Variants in ST6GALNAC3 observed in about 807,000 individuals in gnomAD.
The protein encoded by ST6GALNAC3 is ST6 N-acetylgalactosaminide alpha-2,6-sialyltransferase 3.
A neutral mutation model predicts 32.7 loss-of-function variants in ST6GALNAC3; 25 were observed. That is an observed-to-expected ratio of 0.76 (90% CI 0.56 to 1.07). ST6GALNAC3 has a LOEUF of 1.07. Ranked by LOEUF, ST6GALNAC3 falls within the 50% of genes least tolerant of loss-of-function variation. ST6GALNAC3 has a pLI of 0.00. For missense variants in ST6GALNAC3, 355 were observed against 382.4 expected (o/e 0.93, Z 0.60); for synonymous variants, 129 against 133.1 (o/e 0.97, Z 0.21).
chr1:76,113,116 A>G (rs1179809517), intron 1 of ST6GALNAC3, among the ~76,000 whole-genome samples: 1 of 152,002 alleles, frequency 6.6e-6, no homozygotes, highest in Non-Finnish European at 1.5e-5. Context: ...CTGGCGGATC[A>G]CTCGCGGTTA....
chr1:76,470,031 A>C (rs1658911541), intron 3 of ST6GALNAC3, among the ~76,000 whole-genome samples: 1 of 152,126 alleles, frequency 6.6e-6, no homozygotes, highest in Non-Finnish European at 1.5e-5. Context: ...CATTAGTATT[A>C]TGACTTTAAT....
intron 1 of ST6GALNAC3, among the ~76,000 whole-genome samples, chr1:76,280,335 C>T (rs1173947176): frequency 1.3e-5 from 2 of 152,186 alleles, no homozygotes; most frequent in Non-Finnish European, 2.9e-5. Flanking sequence ...TACAGAAATT[C>T]TGGTGACTGT....
At chr1:76,283,655 G>C (rs1403605489) in intron 1 of ST6GALNAC3, among the ~76,000 whole-genome samples, 2 of 152,208 alleles carry the variant, frequency 1.3e-5, no homozygotes, top group Non-Finnish European at 2.9e-5. Flanking sequence ...ATCTTGTCAT[G>C]ACTTTAAATA....
At chr1:76,597,873 G>GTC (rs530390879) in intron 3 of ST6GALNAC3, among the ~76,000 whole-genome samples, 203 of 152,212 alleles carry the variant, frequency 1.3e-3, no homozygotes, top group African/African-American at 4.7e-3. Context: ...TGTCTGGGAT[G>GTC]TCTCCTCTCC....
intron 2 of ST6GALNAC3, among the ~76,000 whole-genome samples, chr1:76,393,406 A>G (rs1345761542): frequency 6.6e-6 from 1 of 152,162 alleles, no homozygotes; most frequent in Non-Finnish European, 1.5e-5. Flanking sequence ...CATGAGTTAG[A>G]GGAATGATTT....
At chr1:76,462,259 G>A (rs914613120) in intron 3 of ST6GALNAC3, among the ~76,000 whole-genome samples, 2 of 152,034 alleles carry the variant, frequency 1.3e-5, no homozygotes, top group South Asian at 2.1e-4. Flanking sequence ...GTGTACATAC[G>A]TGAATTAATA....
intron 2 of ST6GALNAC3, among the ~76,000 whole-genome samples, chr1:76,372,786 T>G (rs1301421764): frequency 6.6e-6 from 1 of 152,134 alleles, no homozygotes; most frequent in African/African-American, 2.4e-5. Flanking sequence ...GAAATGGGAA[T>G]AGTATCAAAT....
At chr1:76,212,948 G>A (rs1655250722) in intron 1 of ST6GALNAC3, among the ~76,000 whole-genome samples, 1 of 152,156 alleles carries the variant, frequency 6.6e-6, no homozygotes, top group African/African-American at 2.4e-5. Flanking sequence ...AGTCTGACCC[G>A]TTCTGTGCTG....
intron 3 of ST6GALNAC3, among the ~76,000 whole-genome samples, chr1:76,427,252 T>C (rs1655455491): frequency 6.6e-6 from 1 of 152,040 alleles, no homozygotes; most frequent in South Asian, 2.1e-4. Flanking sequence ...AATCCTAGGC[T>C]AGTGTCATGT....
Position 76,367,066 on chromosome 1 carries a change from AGAG to A in ST6GALNAC3, c.214-44941_214-44939del, listed in dbSNP as rs528936428. Reference sequence around the variant, plus strand: ...CAGAACAAGACATAGACTACAGAAAAGAGAACATTATCTGAGCAATACCAGGCT... The same window carrying A: ...CAGAACAAGACATAGACTACAGAAAAAACATTATCTGAGCAATACCAGGCT... On this transcript the variant is annotated intron_variant, in intron 2 of 4. Transcript: ENST00000328299. Among the ~76,000 whole-genome samples the A allele has an allele frequency of 2.6e-5, 4 of 152,332 alleles. No individual in the cohort carries two copies. The East Asian group carries it at 7.7e-4, about 29-fold the overall frequency.
At chr1:76,325,771 C>T (rs1285716009) in intron 2 of ST6GALNAC3, among the ~76,000 whole-genome samples, 1 of 149,480 alleles carries the variant, frequency 6.7e-6, no homozygotes, top group African/African-American at 2.5e-5. Context: ...ATTATTGCTA[C>T]CATTGGTATA....
At chr1:76,369,021 T>G (rs148178460) in intron 2 of ST6GALNAC3, among the ~76,000 whole-genome samples, 26 of 152,328 alleles carry the variant, frequency 1.7e-4, no homozygotes, top group Non-Finnish European at 3.4e-4. Flanking sequence ...TATGCTCCAA[T>G]GCTTAACAAA....
chr1:76,313,540 T>G (rs1268837943), intron 1 of ST6GALNAC3: 1 of 531,148 alleles, frequency 1.9e-6, no homozygotes. Flanking sequence ...TGAATAGGAG[T>G]GTACAAGGAA....
At chr1:76,321,617 C>G (rs936005021) in intron 2 of ST6GALNAC3, among the ~76,000 whole-genome samples, 1 of 152,200 alleles carries the variant, frequency 6.6e-6, no homozygotes, top group East Asian at 1.9e-4. Flanking sequence ...AATCTGCACT[C>G]TCAAACCTGC....
intron 3 of ST6GALNAC3, among the ~76,000 whole-genome samples, chr1:76,526,201 T>C (rs2101807139): frequency 6.6e-6 from 1 of 152,126 alleles, no homozygotes; most frequent in Non-Finnish European, 1.5e-5. Flanking sequence ...ATCCTGACTA[T>C]ATAATATGCA....
chr1:76,560,948 A>G (rs1665209951), intron 3 of ST6GALNAC3, among the ~76,000 whole-genome samples: 1 of 152,226 alleles, frequency 6.6e-6, no homozygotes, highest in Non-Finnish European at 1.5e-5. Context: ...AAGCAACCTA[A>G]GTGTCCATCA....
intron 1 of ST6GALNAC3, among the ~76,000 whole-genome samples, chr1:76,143,472 G>C (rs1335301459): frequency 6.6e-6 from 1 of 151,756 alleles, no homozygotes; most frequent in East Asian, 1.9e-4. Flanking sequence ...GAACATGACA[G>C]TGTAGACAAG....
chr1:76,312,905 A>G (rs1464360587), intron 1 of ST6GALNAC3, among the ~76,000 whole-genome samples: 2 of 152,184 alleles, frequency 1.3e-5, no homozygotes, highest in Non-Finnish European at 2.9e-5. Context: ...GTTCACACAT[A>G]TCTGTCAATT....
chr1:76,424,449 G>T (rs1243016622), intron 3 of ST6GALNAC3, among the ~76,000 whole-genome samples: 3 of 151,836 alleles, frequency 2.0e-5, no homozygotes, highest in Admixed American at 6.6e-5. Context: ...TTGCTGCCAA[G>T]CACATTGTGG....
Sources: gnomAD v4.1 joint callset for allele counts (sites outside exome capture counted in the v4.1 genomes callset) on GRCh38, gnomAD v4.1.1 for gene constraint, MANE v1.5 for transcripts, NCBI Gene and HGNC (gene_info 2026-07-23, HGNC 2026-07-21) for gene names.